The following HEPH variants were observed in gnomAD, a reference collection of about 807,000 sequenced individuals.
HEPH encodes the protein hephaestin.
Under a neutral mutation model 80.8 loss-of-function variants are expected in HEPH, and 69 were observed. The observed-to-expected ratio is 0.85, with a 90% CI of 0.70 to 1.04. The LOEUF is 1.04. Among genes scored for constraint, HEPH ranks in the 50% least tolerant of loss-of-function variants. The pLI, the probability that HEPH is intolerant of heterozygous loss-of-function variation, is 0.00. For missense variants in HEPH, 1,115 were observed against 891.3 expected (o/e 1.25, Z -3.20); for synonymous variants, 431 against 322.8 (o/e 1.34, Z -3.60).
At chrX:66,249,131 C>T (rs1052211609) in intron 15 of HEPH, among the ~76,000 whole-genome samples, 27 of 110,916 alleles carry the variant, frequency 2.4e-4, no homozygotes, top group Middle Eastern at 9.2e-3. Flanking sequence ...AAACACTTCC[C>T]CCTCTGAGGC....
At chrX:66,199,984 G>T (rs1262704650) in intron 11 of HEPH, among the ~76,000 whole-genome samples, 2 of 108,060 alleles carry the variant, frequency 1.9e-5, no homozygotes, top group African/African-American at 3.4e-5. Flanking sequence ...GCAGGTAGGG[G>T]TACCAGAGAG....
chrX:66,235,190 C>T (rs2090311883), intron 15 of HEPH, among the ~76,000 whole-genome samples: 1 of 111,608 alleles, frequency 9.0e-6, no homozygotes, highest in African/African-American at 3.3e-5. Flanking sequence ...TGTAGAAACT[C>T]TTTAGTTTAA....
intron 9 of HEPH, among the ~76,000 whole-genome samples, chrX:66,195,965 A>G (rs1209521308): frequency 8.9e-6 from 1 of 112,015 alleles, no homozygotes; most frequent in East Asian, 2.8e-4. Context: ...AAAGTTGCAG[A>G]CAAATCTAGA....
intron 9 of HEPH, among the ~76,000 whole-genome samples, chrX:66,197,188 A>C (rs753491899): frequency 4.5e-5 from 5 of 110,026 alleles, no homozygotes; most frequent in Non-Finnish European, 9.5e-5. Flanking sequence ...TTTTATATAT[A>C]TATGTATATA....
intron 15 of HEPH, among the ~76,000 whole-genome samples, chrX:66,253,079 G>T (rs952743482): frequency 1.8e-5 from 2 of 112,269 alleles, no homozygotes; most frequent in African/African-American, 6.5e-5. Context: ...AAAAGCACAA[G>T]TGAACAAATA....
Position 66,207,079 on chromosome X carries a change from T to C in HEPH, c.2292-116T>C, listed in dbSNP as rs779102868. On this transcript the variant is annotated intron_variant, in intron 13 of 20. Transcript: ENST00000343002. ...AAAAAAAAGAAATAGGTCCCCCCCC[T>C]TTTTTTTTTCTGTCTGTGACATGAA... 1.3e-3 allele frequency: 528 copies of C among 406,781 alleles called. 2 individuals are homozygous for C. The highest frequency in any genetic ancestry group is 8.9e-3 in the African/African-American group (311 of 34,876). 33.5% of individuals were successfully genotyped at this position (406,781 alleles called of 1,213,427 possible).
intron 19 of HEPH, 84 bp from the exon 20 acceptor site, chrX:66,263,560 C>T: frequency 9.6e-7 from 1 of 1,037,984 alleles, no homozygotes; most frequent in Non-Finnish European, 1.3e-6. Context: ...ATTTCTGCAA[C>T]CAATGTTGAC....
At chrX:66,162,913 G>T, upstream of HEPH, 1 of 1,125,254 alleles carries the variant, frequency 8.9e-7, no homozygotes, top group South Asian at 2.0e-5. Flanking sequence ...CATCATACCT[G>T]TCCCCTTCCT....
rs1212165147 is a variant in HEPH at position 66,192,116 on chromosome X, T to C, written c.1064-14T>C. ...TTGGATAGAATGGGGTCAGCCATAA[T>C]GTTCTTCCTTCAGATGGCATGCAGG... is the stretch of plus-strand genomic sequence containing the variant. On this transcript the variant is annotated splice_polypyrimidine_tract_variant and intron_variant, in intron 6 of 20. Transcript: ENST00000343002. 4.2e-6 allele frequency: 5 copies of C among 1,198,922 alleles called. No homozygotes were observed. The highest frequency in any genetic ancestry group is 1.8e-5 in the South Asian group (1 of 55,547).
chrX:66,203,276 T>G, intron 12 of HEPH, 88 bp from the exon 13 acceptor site: 1 of 750,534 alleles, frequency 1.3e-6, no homozygotes, highest in East Asian at 3.3e-5. Flanking sequence ...AACTCTTTTC[T>G]GCAGTATGCC....
intron 17 of HEPH, among the ~76,000 whole-genome samples, chrX:66,257,596 G>A (rs1473310342): frequency 8.9e-6 from 1 of 112,163 alleles, no homozygotes; most frequent in Non-Finnish European, 1.9e-5. Context: ...CCTTGTCATT[G>A]ACATAGATGG....
At chrX:66,199,896 G>A (rs1162072939) in intron 11 of HEPH, among the ~76,000 whole-genome samples, 2 of 111,301 alleles carry the variant, frequency 1.8e-5, no homozygotes, top group African/African-American at 3.3e-5. Context: ...TAAAGCTTTG[G>A]TAATGCAGAG....
At chrX:66,181,948 A>C (rs1308806502) in intron 4 of HEPH, among the ~76,000 whole-genome samples, 2 of 110,819 alleles carry the variant, frequency 1.8e-5, no homozygotes, top group African/African-American at 6.6e-5. Context: ...ACCATTTATT[A>C]AATAGGGAAT....
chrX:66,189,757 G>A lies in HEPH; in HGVS notation c.882G>A (p.Leu294=). Residue 294 remains leucine, a synonymous_variant, in exon 6 of 21, where the codon TTG becomes TTA. Coordinates refer to ENST00000343002, the MANE Select transcript of HEPH (RefSeq NM_001367233.3). ...MCAQKRVAWH[L]FGMGNEIDVH... ...CACAGAAACGTGTGGCCTGGCACTT[G>A]TTTGGCATGGGCAATGAAATTGATG... is the stretch of plus-strand genomic sequence containing the variant. 1 of 1,211,279 alleles carries A rather than the reference G, an allele frequency of 8.3e-7. No homozygotes were observed. The highest frequency in any genetic ancestry group is 2.3e-4 in the Middle Eastern group (1 of 4,355).
In HEPH at chrX:66,172,575, G is replaced by T; in HGVS notation, c.388G>T (p.Val130Phe). The T allele has an allele frequency of 8.5e-7, 1 of 1,176,275 alleles. No homozygotes were observed. Among genetic ancestry groups the T allele is most frequent in the Non-Finnish European group, 1.1e-6 (1 of 876,288 alleles). The change falls in exon 3 of 21, where the codon GTC (valine) becomes TTC (phenylalanine). Residue 130 changes from valine (V) to phenylalanine (F), a missense_variant. By Grantham distance (50) the Val-to-Phe change is conservative. This residue lies in a region of HEPH where 391 missense variants were observed against 343.6 expected (regional missense o/e 1.14). Coordinates refer to ENST00000343002, the MANE Select transcript of HEPH (RefSeq NM_001367233.3). ...TRPYTIHPHGVFYEKDSEGSL... is the reference protein window; with the variant it reads ...TRPYTIHPHGFFYEKDSEGSL... ...TCCCTATACCATCCACCCTCATGGTGTCTTCTACGAGAAGGACTCTGAAGG... is the reference window on the plus strand; with the variant it reads ...TCCCTATACCATCCACCCTCATGGTTTCTTCTACGAGAAGGACTCTGAAGG...
chrX:66,186,544 C>T (rs941098865), intron 4 of HEPH, among the ~76,000 whole-genome samples: 20 of 113,062 alleles, frequency 1.8e-4, no homozygotes, highest in Non-Finnish European at 3.0e-4. Context: ...GAGGCAATGC[C>T]TTGCCCTGCT....
At chrX:66,224,570 C>A (rs1253155820) in intron 15 of HEPH, among the ~76,000 whole-genome samples, 1 of 111,909 alleles carries the variant, frequency 8.9e-6, no homozygotes, top group Non-Finnish European at 1.9e-5. Context: ...TATTTTTTTA[C>A]TTTTTTCTGT....
intron 13 of HEPH, among the ~76,000 whole-genome samples, 182 bp from the exon 14 acceptor site, chrX:66,207,013 G>T (rs756256724): frequency 9.4e-6 from 1 of 106,481 alleles, no homozygotes; most frequent in East Asian, 2.9e-4. Flanking sequence ...GCGAAACTCC[G>T]TCTAAAATAA....
At chrX:66,266,408 C>A in intron 20 of HEPH, 32 bp from the exon 21 acceptor site, 1 of 1,127,072 alleles carries the variant, frequency 8.9e-7, no homozygotes, top group Non-Finnish European at 1.2e-6. Context: ...CTCCCCATCC[C>A]AGGATGCCCA....
Sources: allele counts gnomAD v4.1 joint callset (sites outside exome capture counted in the v4.1 genomes callset), GRCh38; gene constraint gnomAD v4.1.1; regional missense constraint gnomAD v4.1.1; transcripts MANE v1.5; gene names NCBI Gene and HGNC (gene_info 2026-07-23, HGNC 2026-07-21).